Variants in GRIK5 observed in about 807,000 individuals in gnomAD.
GRIK5 encodes the protein glutamate ionotropic receptor kainate type subunit 5.
A neutral mutation model predicts 97.4 loss-of-function variants in GRIK5; 43 were observed. The observed-to-expected ratio is 0.44, with a 90% CI of 0.35 to 0.57. The LOEUF is 0.57. GRIK5 is among the 20% of genes least tolerant of loss of function. The probability of loss-of-function intolerance (pLI) is 0.01; values close to 1 mark genes in which losing one functional copy is unlikely to be tolerated. For synonymous variants in GRIK5, 580 were observed against 583.5 expected, an observed-to-expected ratio of 0.99 and a Z score of 0.09; for missense variants, 1,015 against 1,382.0, an observed-to-expected ratio of 0.73 and a Z score of 4.21.
At chr19:42,037,715 T>C (rs1175969227) in intron 12 of GRIK5, among the ~76,000 whole-genome samples, 2 of 152,178 alleles carry the variant, frequency 1.3e-5, no homozygotes, top group South Asian at 2.1e-4. Flanking sequence ...AGGTGGCTGA[T>C]GGCTCTCAGC....
In GRIK5 at chr19:42,056,713, G is replaced by A. The variant is rs372110016; in HGVS notation, c.852C>T (p.Leu284=). 1.9e-6 allele frequency: 3 copies of A among 1,614,028 alleles called. No homozygotes were observed. The African/African-American group carries it at 4.0e-5, about 22-fold the overall frequency. The part of the protein sequence containing the change: ...HPFYPEFVRS[L]NMSWRENCEA... ...CACAGTTCTCCCTCCAGGACATGTT[G>A]AGGCTGCGGACAAACTCAGGGTAGA... The change falls in exon 8 of 20, where the codon CTC becomes CTT. Residue 284 remains leucine (L), a synonymous_variant. Coordinates refer to ENST00000593562, the MANE Select transcript of GRIK5 (RefSeq NM_002088.5).
intron 15 of GRIK5, among the ~76,000 whole-genome samples, chr19:42,016,280 A>G (rs1292766550): frequency 6.6e-6 from 1 of 152,006 alleles, no homozygotes; most frequent in African/African-American, 2.4e-5. Flanking sequence ...AATTAGCCAG[A>G]CGTGGTGGCT....
At chr19:42,061,659 G>A (rs762383434) in intron 5 of GRIK5, among the ~76,000 whole-genome samples, 14 of 152,110 alleles carry the variant, frequency 9.2e-5, no homozygotes, top group Non-Finnish European at 1.6e-4. Flanking sequence ...CAAAGGCCTT[G>A]CACCATCCCT....
chr19:42,067,123 T>G (rs961937978), intron 1 of GRIK5, among the ~76,000 whole-genome samples: 6 of 152,194 alleles, frequency 3.9e-5, no homozygotes, highest in Non-Finnish European at 5.9e-5. Flanking sequence ...GAAGGGATGC[T>G]TGGGTTTCCA....
At chr19:42,014,316 C>A (rs1392107281) in intron 15 of GRIK5, among the ~76,000 whole-genome samples, 1 of 151,754 alleles carries the variant, frequency 6.6e-6, no homozygotes, top group African/African-American at 2.4e-5. Context: ...ATTGCTTGAA[C>A]CTGGGAGGCA....
chr19:42,043,552 G>A (rs1003201308), intron 11 of GRIK5, among the ~76,000 whole-genome samples: 1 of 151,890 alleles, frequency 6.6e-6, no homozygotes, highest in African/African-American at 2.4e-5. Flanking sequence ...GATTACAGGT[G>A]CCTGCCACCA....
In GRIK5 at chr19:42,062,645, G is replaced by A; in HGVS notation, c.351C>T (p.His117=). 6.2e-7 allele frequency: 1 copy of A among 1,614,118 alleles called. No homozygotes were observed. The highest frequency in any genetic ancestry group is 2.2e-5 in the East Asian group (1 of 44,878). Residue 117 remains histidine, a synonymous_variant, in exon 5 of 20, where the codon CAC becomes CAT. Coordinates refer to ENST00000593562, the MANE Select transcript of GRIK5 (RefSeq NM_002088.5). This position sits in a 1 kb window ranked among gnomAD's most constrained non-coding sequence, Gnocchi z 5.3. The stretch of plus-strand genomic sequence containing the variant: ...GTGTCTCCTCGGGACCCACCTTGAT[G>A]TGGGGGATCTGGACAGAGAGGAAAC... The part of the protein sequence containing the change: ...SHICGEKEIP[H]IKVGPEETPR...
intron 12 of GRIK5, among the ~76,000 whole-genome samples, chr19:42,031,081 C>T (rs998496946): frequency 6.6e-6 from 1 of 152,204 alleles, no homozygotes. Context: ...TAGTAGCTCA[C>T]ACCAGCTGCC....
chr19:42,002,673 T>G lies in GRIK5; in HGVS notation c.2514+659A>C, dbSNP rs1478615360. The G allele has an allele frequency of 1.6e-6, 1 of 611,090 alleles. No homozygotes were observed. The highest frequency in any genetic ancestry group is 1.9e-5 in the African/African-American group (1 of 53,980). 37.9% of individuals were successfully genotyped at this position (611,090 alleles called of 1,614,324 possible). ...GCAAGAGCACGAATGGGTCTGGAAA[T>G]GCAGGGGTGTGGCTGGGCGGCCCCC... On this transcript the variant is annotated intron_variant, in intron 19 of 19. Coordinates refer to ENST00000593562, the MANE Select transcript of GRIK5 (RefSeq NM_002088.5). The surrounding 1 kb of genome is among the most constrained non-coding windows in gnomAD (Gnocchi z 5.2).
intron 15 of GRIK5, among the ~76,000 whole-genome samples, chr19:42,011,291 G>A (rs909647175): frequency 4.0e-5 from 6 of 151,746 alleles, no homozygotes; most frequent in African/African-American, 7.3e-5. Flanking sequence ...GGTGGTTTAC[G>A]CCTGTAATCC....
Position 41,999,590 on chromosome 19 carries a change from T to C in GRIK5, c.2515-291A>G, listed in dbSNP as rs2075408397. Among the ~76,000 whole-genome samples the C allele has an allele frequency of 6.6e-6, 1 of 152,220 alleles. No homozygotes were observed. Among genetic ancestry groups the C allele is most frequent in the African/African-American group, 2.4e-5 (1 of 41,460 alleles). ...TTTCCTCTGGTCTTTTCACTGTCTC[T>C]AAATTTTCTCCAGTTCTTCCTTCCT... On this transcript the variant is annotated intron_variant, in intron 19 of 19. Transcript: ENST00000593562. The surrounding 1 kb of genome is among the most constrained non-coding windows in gnomAD (Gnocchi z 5.0).
At chr19:42,047,577 A>G (rs1226731126) in intron 11 of GRIK5, among the ~76,000 whole-genome samples, 5 of 152,184 alleles carry the variant, frequency 3.3e-5, no homozygotes, top group Non-Finnish European at 7.3e-5. Context: ...ACCCACATAT[A>G]AATGGATATT....
At position 42,022,265 on chromosome 19, in the gene GRIK5, G is replaced by A; in HGVS notation, c.1563C>T (p.Ile521=). The A allele has an allele frequency of 4.3e-6, 7 of 1,613,282 alleles. No homozygotes were observed. The highest frequency in any genetic ancestry group is 5.1e-6 in the Non-Finnish European group (6 of 1,179,234). Residue 521 remains isoleucine (I), a synonymous_variant, in exon 13 of 20, where the codon ATC becomes ATT. Coordinates refer to ENST00000593562, the MANE Select transcript of GRIK5 (RefSeq NM_002088.5). This position sits in a 1 kb window ranked among gnomAD's most constrained non-coding sequence, Gnocchi z 4.2. ...DFSKPFMTLG[I]SILYRVHMGR... ...CCATGTGCACTCGGTAGAGGATGCTGATCCCCAGGGTCATAAAGGGCTTGG... is the reference window on the plus strand; with the variant it reads ...CCATGTGCACTCGGTAGAGGATGCTAATCCCCAGGGTCATAAAGGGCTTGG...
In GRIK5 at chr19:41,999,105, G is replaced by A. The variant is rs1555870233; in HGVS notation, c.2709C>T (p.His903=). Reference sequence around the variant, plus strand: ...CGTCCAGGAGGCGCTGCGGGCCCCCGTGCGCGCTGCCCGCATCCCCGCCCG... The same window carrying A: ...CGTCCAGGAGGCGCTGCGGGCCCCCATGCGCGCTGCCCGCATCCCCGCCCG... The part of the protein sequence containing the change: ...AGAGGDAGSA[H]GGPQRLLDDP... The change falls in exon 20 of 20, where the codon CAC becomes CAT. Residue 903 remains histidine (H), a synonymous_variant. Transcript: ENST00000593562. The surrounding 1 kb of genome is among the most constrained non-coding windows in gnomAD (Gnocchi z 5.0). 1.5e-6 allele frequency: 2 copies of A among 1,368,828 alleles called. No homozygotes were observed. Among genetic ancestry groups the A allele is most frequent in the South Asian group, 1.7e-5 (1 of 59,458 alleles). 84.8% of individuals were successfully genotyped at this position (1,368,828 alleles called of 1,614,324 possible).
Position 42,042,213 on chromosome 19 carries a change from T to G in GRIK5, c.1473+339A>C, listed in dbSNP as rs2146106395. 6.6e-6 allele frequency among the ~76,000 whole-genome samples: 1 copy of G among 152,306 alleles called. No individual in the cohort carries two copies. The highest frequency in any genetic ancestry group is 2.1e-4 in the South Asian group (1 of 4,828). On this transcript the variant is annotated intron_variant, in intron 12 of 19. Coordinates refer to ENST00000593562, the MANE Select transcript of GRIK5 (RefSeq NM_002088.5). This position sits in a 1 kb window ranked among gnomAD's most constrained non-coding sequence, Gnocchi z 6.9. Reference sequence around the variant, plus strand: ...TGCCTCCTGCAGGAAGCCTTTGACCTCCTCAGACCTTTTCCTGCTCCCCAC... The same window carrying G: ...TGCCTCCTGCAGGAAGCCTTTGACCGCCTCAGACCTTTTCCTGCTCCCCAC...
chr19:42,067,454 G>C (rs2076351435), intron 1 of GRIK5, among the ~76,000 whole-genome samples: 1 of 152,164 alleles, frequency 6.6e-6, no homozygotes. Flanking sequence ...GTGGATTAAG[G>C]TGAAGGCTTG....
At chr19:42,015,293 A>G (rs1221555299) in intron 15 of GRIK5, among the ~76,000 whole-genome samples, 2 of 152,190 alleles carry the variant, frequency 1.3e-5, no homozygotes, top group Non-Finnish European at 2.9e-5. Flanking sequence ...AACATGATCA[A>G]CCTACTGGCC....
chr19:42,048,319 T>G (rs2076068658), intron 11 of GRIK5, among the ~76,000 whole-genome samples: 1 of 152,152 alleles, frequency 6.6e-6, no homozygotes. Flanking sequence ...TACCCAAGAA[T>G]GTATAAATAA....
At position 42,002,601 on chromosome 19, in the gene GRIK5, G is replaced by A. The variant is rs949577080; in HGVS notation, c.2514+731C>T. ...GATGTGAGGAGGGGGAGGAAGGGCT[G>A]GAGGCTGACAGAGAGAGGGGAAGCA... On this transcript the variant is annotated intron_variant, in intron 19 of 19. Coordinates refer to ENST00000593562, the MANE Select transcript of GRIK5 (RefSeq NM_002088.5). The surrounding 1 kb of genome is among the most constrained non-coding windows in gnomAD (Gnocchi z 5.2). 1.6e-6 allele frequency: 1 copy of A among 635,890 alleles called. No homozygotes were observed. The highest frequency in any genetic ancestry group is 2.6e-5 in the Admixed American group (1 of 38,100). The allele number at this position is 635,890 out of a possible 1,614,324, so 39.4% of individuals were successfully genotyped here. A position where few individuals can be genotyped will look rare whatever the true frequency, so the allele number is the denominator to read the frequency against.
Sources: gnomAD v4.1 joint callset for allele counts (sites outside exome capture counted in the v4.1 genomes callset) on GRCh38, gnomAD v4.1.1 for gene constraint, Gnocchi (gnomAD v3.1) non-coding constraint, MANE v1.5 for transcripts, NCBI Gene and HGNC (gene_info 2026-07-23, HGNC 2026-07-21) for gene names.